Variants in ITGAE observed in about 807,000 individuals in gnomAD.
ITGAE encodes the protein integrin subunit alpha E.
Under a neutral mutation model 136.5 loss-of-function variants are expected in ITGAE, and 99 were observed. The ratio of observed to expected loss-of-function variants is 0.73; its 90% confidence interval spans 0.62 to 0.86. The LOEUF is 0.86. Among genes scored for constraint, ITGAE ranks in the 40% least tolerant of loss-of-function variants. The pLI is 0.00. For synonymous variants in ITGAE, 613 were observed against 591.8 expected, an observed-to-expected ratio of 1.04 and a Z score of -0.52; for missense variants, 1,447 against 1,515.3, an observed-to-expected ratio of 0.95 and a Z score of 0.75.
Position 3,799,763 on chromosome 17 carries a change from T to C in ITGAE, c.34+1348A>G, listed in dbSNP as rs905834295. 6.6e-6 allele frequency among the ~76,000 whole-genome samples: 1 copy of C among 152,178 alleles called. No individual in the cohort carries two copies. Among genetic ancestry groups the C allele is most frequent in the Non-Finnish European group, 1.5e-5 (1 of 68,020 alleles). ...GTAACTAAAAACAGAGAAGTCTAAATTGTAAAATAAAAGGAAGTTCAACAA... is the reference window on the plus strand; with the variant it reads ...GTAACTAAAAACAGAGAAGTCTAAACTGTAAAATAAAAGGAAGTTCAACAA... On this transcript the variant is annotated intron_variant, in intron 1 of 30. Coordinates refer to ENST00000263087, the MANE Select transcript of ITGAE (RefSeq NM_002208.5). The surrounding 1 kb of genome is among the most constrained non-coding windows in gnomAD (Gnocchi z 4.1).
chr17:3,748,144 A>G (rs2051765417), intron 16 of ITGAE, 92 bp from the exon 17 acceptor site: 1 of 1,305,446 alleles, frequency 7.7e-7, no homozygotes, highest in South Asian at 1.4e-5. Context: ...ATGGTTCTCT[A>G]TCAAACATGC....
rs937777986 is a variant in ITGAE, at chr17:3,787,272, CGCCT to C, written c.35-9616_35-9613del. ...GATTACAGGCATGTGCCACCACACCCGCCTAAGTTTTGTATTTTTATTAGAGACA... is the reference window on the plus strand; with the variant it reads ...GATTACAGGCATGTGCCACCACACCCAAGTTTTGTATTTTTATTAGAGACA... On this transcript the variant is annotated intron_variant, in intron 1 of 30. Transcript: ENST00000263087. Among the ~76,000 whole-genome samples the C allele has an allele frequency of 3.8e-4, 57 of 151,926 alleles. 1 individual carries two copies. Among genetic ancestry groups the C allele is most frequent in the Non-Finnish European group, 1.6e-4 (11 of 67,998 alleles).
chr17:3,742,290 T>C (rs2051606164), intron 19 of ITGAE, among the ~76,000 whole-genome samples: 1 of 152,188 alleles, frequency 6.6e-6, no homozygotes, highest in Admixed American at 6.5e-5. Context: ...CCAGAACCTT[T>C]TTTTTCTTTT....
Position 3,755,137 on chromosome 17 carries a change from G to A in ITGAE, c.1364C>T (p.Ala455Val), listed in dbSNP as rs1282031771. The change falls in exon 12 of 31, where the codon GCT becomes GTT. Residue 455 changes from alanine (A) to valine (V), a missense_variant. Around this residue, in one of 3 missense-constraint regions of ITGAE, gnomAD observed 1,031 missense variants for 1,011.4 expected, o/e 1.02. Transcript: ENST00000263087. ...CTCACCCAGGTAGCTGTACTGCGCA[G>A]CCTCCGCGTCTGCCGCCGCCGCCGC... ...QTAAAAADAE[A>V]AQYSYLGYAV... The A allele has an allele frequency of 1.5e-6, 2 of 1,375,110 alleles. No homozygotes were observed. Among genetic ancestry groups the A allele is most frequent in the Admixed American group, 2.1e-5 (1 of 47,474 alleles). 85.2% of individuals were successfully genotyped at this position (1,375,110 alleles called of 1,614,324 possible).
chr17:3,729,649 C>T, intron 23 of ITGAE, 94 bp from the exon 24 acceptor site: 2 of 857,160 alleles, frequency 2.3e-6, no homozygotes, highest in Non-Finnish European at 4.0e-6. Context: ...GGCAGGAGTG[C>T]AGTGTTGCCG....
chr17:3,762,120 A>C (rs1555523930), intron 3 of ITGAE, 138 bp from the exon 4 acceptor site: 1 of 686,576 alleles, frequency 1.5e-6, no homozygotes, highest in South Asian at 1.8e-5. Context: ...GCCTCTAGAA[A>C]GCTAGAGCGG....
Position 3,742,852 on chromosome 17 carries a change from A to G in ITGAE, c.2448+637T>C, listed in dbSNP as rs189418709. ...TTTTTAGTAGAGACAGGGTTTCACC[A>G]TCTTGGCCAGGCTGGTATCGAACTC... On this transcript the variant is annotated intron_variant, in intron 19 of 30. Coordinates refer to ENST00000263087, the MANE Select transcript of ITGAE (RefSeq NM_002208.5). 8.5e-3 allele frequency among the ~76,000 whole-genome samples: 1,299 copies of G among 152,262 alleles called. 17 individuals are homozygous for G. The highest frequency in any genetic ancestry group is 0.017 in the Middle Eastern group (5 of 294).
intron 26 of ITGAE, chr17:3,726,445 A>G: frequency 1.4e-6 from 1 of 709,382 alleles, no homozygotes; most frequent in East Asian, 2.5e-5. Context: ...ACAGGTTTCC[A>G]GTCAGCTTTT....
chr17:3,725,018 G>C (rs759961916), intron 26 of ITGAE: 3 of 1,614,070 alleles, frequency 1.9e-6, no homozygotes, highest in East Asian at 2.2e-5. Flanking sequence ...AGGGCCAAAA[G>C]CTGGGAAAAG....
intron 2 of ITGAE, among the ~76,000 whole-genome samples, 156 bp from the exon 3 acceptor site, chr17:3,764,116 T>C (rs1376440252): frequency 6.6e-6 from 1 of 152,088 alleles, no homozygotes; most frequent in Non-Finnish European, 1.5e-5. Context: ...GGGGAAGACA[T>C]TTGCCCAACC....
intron 19 of ITGAE, among the ~76,000 whole-genome samples, chr17:3,741,068 G>GTTTTTTTTTTTT (rs1447955211): frequency 1.8e-5 from 2 of 110,512 alleles, no homozygotes; most frequent in African/African-American, 6.7e-5. Context: ...GTTTTTTGTT[G>GTTTTTTTTTTTT]TATTTTTTTT....
chr17:3,776,839 G>A (rs752268109), intron 2 of ITGAE, among the ~76,000 whole-genome samples: 1 of 152,190 alleles, frequency 6.6e-6, no homozygotes, highest in Non-Finnish European at 1.5e-5. Context: ...GATTACAGGC[G>A]TGAGCCACGG....
Position 3,759,508 on chromosome 17 carries a change from A to G in ITGAE, c.760T>C (p.Phe254Leu). 6.2e-7 allele frequency: 1 copy of G among 1,614,138 alleles called. No homozygotes were observed. The highest frequency in any genetic ancestry group is 8.5e-7 in the Non-Finnish European group (1 of 1,180,014). ...ACATCCTGGCTGTCCCGAAGGTCAA[A>G]CTCAGTCTGGATCACTCCTCCATAC... ...VQYGGVIQTE[F>L]DLRDSQDVMA... Residue 254 changes from phenylalanine to leucine, a missense_variant, in exon 8 of 31, where the codon TTT (phenylalanine) becomes CTT (leucine). Around this residue, in one of 3 missense-constraint regions of ITGAE, gnomAD observed 310 missense variants for 416.1 expected, o/e 0.74. Transcript: ENST00000263087.
chr17:3,786,156 G>T, intron 1 of ITGAE, among the ~76,000 whole-genome samples: 1 of 130,266 alleles, frequency 7.7e-6, no homozygotes, highest in East Asian at 2.4e-4. Context: ...GACAGAGAGA[G>T]ACTCCATCTC....
chr17:3,793,537 A>T (rs1294128153), intron 1 of ITGAE, among the ~76,000 whole-genome samples: 4 of 152,062 alleles, frequency 2.6e-5, no homozygotes, highest in African/African-American at 9.7e-5. Context: ...TTCGTGGGGG[A>T]GCAGCAGGAA....
chr17:3,732,175 C>T (rs975400575), intron 22 of ITGAE, among the ~76,000 whole-genome samples, 193 bp downstream of exon 22: 4 of 152,216 alleles, frequency 2.6e-5, no homozygotes, highest in Non-Finnish European at 4.4e-5. Flanking sequence ...TCACCTAGGG[C>T]TGTGTACTGG....
chr17:3,773,593 G>C (rs73318134), intron 2 of ITGAE, among the ~76,000 whole-genome samples: 1 of 152,102 alleles, frequency 6.6e-6, no homozygotes, highest in South Asian at 2.1e-4. Context: ...ATGCCCTCTC[G>C]GGGGCCACCC....
chr17:3,732,135 C>CT (rs2051358863), intron 22 of ITGAE, among the ~76,000 whole-genome samples: 1 of 152,166 alleles, frequency 6.6e-6, no homozygotes, highest in Non-Finnish European at 1.5e-5. Flanking sequence ...CCCACAACTT[C>CT]ACTCTGCTTC....
In ITGAE at chr17:3,799,881, T is replaced by C. The variant is rs1405397425; in HGVS notation, c.34+1230A>G. Among the ~76,000 whole-genome samples, 1 of 152,140 alleles carries C rather than the reference T, an allele frequency of 6.6e-6. No homozygotes were observed. Among genetic ancestry groups the C allele is most frequent in the African/African-American group, 2.4e-5 (1 of 41,438 alleles). On this transcript the variant is annotated intron_variant, in intron 1 of 30. Coordinates refer to ENST00000263087, the MANE Select transcript of ITGAE (RefSeq NM_002208.5). This position sits in a 1 kb window ranked among gnomAD's most constrained non-coding sequence, Gnocchi z 4.1. ...GGCTCATGCCTGTAGTCCCAACACT[T>C]TGGGAGGCCGAGGCAGGTCGATCAC...
Sources: allele counts gnomAD v4.1 joint callset (sites outside exome capture counted in the v4.1 genomes callset), GRCh38; gene constraint gnomAD v4.1.1; regional missense constraint gnomAD v4.1.1; non-coding constraint Gnocchi (gnomAD v3.1); transcripts MANE v1.5; gene names NCBI Gene and HGNC (gene_info 2026-07-23, HGNC 2026-07-21).